The following UBR7 variants were observed in gnomAD, a reference collection of about 807,000 sequenced individuals.
UBR7 encodes the protein ubiquitin protein ligase E3 component n-recognin 7, also known as putative E3 ubiquitin-protein ligase UBR7.
A neutral mutation model predicts 57.0 loss-of-function variants in UBR7; 22 were observed. That is an observed-to-expected ratio of 0.39 (90% CI 0.28 to 0.55). The LOEUF is 0.55. UBR7 is among the 20% of genes least tolerant of loss of function. UBR7 has a pLI of 0.69. For missense variants in UBR7, 395 were observed against 513.2 expected, an observed-to-expected ratio of 0.77 and a Z score of 2.23; for synonymous variants, 167 against 179.8, an observed-to-expected ratio of 0.93 and a Z score of 0.57.
Position 93,228,031 on chromosome 14 carries a change from C to A in UBR7, c.*996C>A. ...CTTGAATCTGCTAAAGAAAACAGAT[C>A]CTGACTTAGCTTACTTGAAATAAGC... On this transcript the variant is annotated 3_prime_UTR_variant, in exon 11 of 11. Transcript: ENST00000013070. The A allele has an allele frequency of 1.4e-6, 1 of 697,472 alleles. No individual in the cohort carries two copies. Among genetic ancestry groups the A allele is most frequent in the South Asian group, 1.5e-5 (1 of 66,626 alleles). 43.2% of individuals were successfully genotyped at this position (697,472 alleles called of 1,614,324 possible). A position where few individuals can be genotyped will look rare whatever the true frequency, so the allele number is the denominator to read the frequency against.
intron 8 of UBR7, 64 bp downstream of exon 8, chr14:93,219,425 A>G: frequency 1.3e-6 from 2 of 1,595,036 alleles, no homozygotes; most frequent in Non-Finnish European, 1.7e-6. Flanking sequence ...AAATAAGAAC[A>G]CCTGGGGAAA....
chr14:93,213,944 T>TA (rs1894541671), intron 4 of UBR7, among the ~76,000 whole-genome samples: 1 of 152,174 alleles, frequency 6.6e-6, no homozygotes, highest in Admixed American at 6.6e-5. Context: ...TTCTTTTTTT[T>TA]AAGACGGAGT....
intron 10 of UBR7, among the ~76,000 whole-genome samples, chr14:93,224,976 G>A (rs959303343): frequency 1.3e-5 from 2 of 152,122 alleles, no homozygotes; most frequent in Non-Finnish European, 2.9e-5. Flanking sequence ...AAAAAGTTAG[G>A]CATGTTCTTT....
At chr14:93,225,492 G>A (rs910892906) in intron 10 of UBR7, among the ~76,000 whole-genome samples, 4 of 151,516 alleles carry the variant, frequency 2.6e-5, no homozygotes, top group Admixed American at 6.6e-5. Context: ...AATTAGGCTG[G>A]CATGGTGACG....
intron 6 of UBR7, among the ~76,000 whole-genome samples, chr14:93,218,177 A>G (rs903762114): frequency 3.3e-5 from 5 of 152,052 alleles, no homozygotes; most frequent in African/African-American, 9.7e-5. Context: ...TGGGAGGCTG[A>G]GGCAGGCAGA....
At chr14:93,226,269 A>G (rs1027635032) in intron 10 of UBR7, among the ~76,000 whole-genome samples, 1 of 152,116 alleles carries the variant, frequency 6.6e-6, no homozygotes, top group Admixed American at 6.5e-5. Context: ...GAATTCATTC[A>G]CGTGCTCTAT....
In UBR7 at chr14:93,220,176, G is replaced by A. The variant is rs557981119; in HGVS notation, c.961-73G>A. The stretch of plus-strand genomic sequence containing the variant: ...CATTTTTAGTGATTCTCAGGAAATT[G>A]GCTTTCTGAGAATGATAAACAGTTC... On this transcript the variant is annotated intron_variant, in intron 8 of 10. Coordinates refer to ENST00000013070, the MANE Select transcript of UBR7 (RefSeq NM_175748.4). The A allele has an allele frequency of 5.0e-4, 748 of 1,484,992 alleles. 1 individual carries two copies. Among genetic ancestry groups the A allele is most frequent in the Non-Finnish European group, 6.6e-4 (728 of 1,097,146 alleles). 92.0% of individuals were successfully genotyped at this position (1,484,992 alleles called of 1,614,324 possible). A position where few individuals can be genotyped will look rare whatever the true frequency, so the allele number is the denominator to read the frequency against.
intron 1 of UBR7, among the ~76,000 whole-genome samples, chr14:93,209,111 C>T (rs946546726): frequency 6.6e-6 from 1 of 152,192 alleles, no homozygotes; most frequent in South Asian, 2.1e-4. Flanking sequence ...CCGTGCCCAG[C>T]CTACATATTC....
chr14:93,225,716 T>A (rs1894836110), intron 10 of UBR7, among the ~76,000 whole-genome samples: 1 of 152,234 alleles, frequency 6.6e-6, no homozygotes, highest in African/African-American at 2.4e-5. Flanking sequence ...TGAACCCAAG[T>A]ATTTATTCAC....
chr14:93,223,303 G>C (rs1380909183), intron 10 of UBR7, among the ~76,000 whole-genome samples: 2 of 149,576 alleles, frequency 1.3e-5, no homozygotes, highest in Admixed American at 6.8e-5. Context: ...GCTGAGGCAG[G>C]AGAAACGCTT....
At chr14:93,213,582 C>T (rs1050292652) in intron 4 of UBR7, among the ~76,000 whole-genome samples, 1 of 152,172 alleles carries the variant, frequency 6.6e-6, no homozygotes, top group African/African-American at 2.4e-5. Flanking sequence ...GCTGGGATTA[C>T]AGGCGTGAGC....
Position 93,220,238 on chromosome 14 carries a change from T to G in UBR7, c.961-11T>G. The G allele has an allele frequency of 1.2e-6, 2 of 1,600,418 alleles. No homozygotes were observed. The highest frequency in any genetic ancestry group is 1.3e-5 in the African/African-American group (1 of 74,198). On this transcript the variant is annotated splice_polypyrimidine_tract_variant and intron_variant, in intron 8 of 10. Coordinates refer to ENST00000013070, the MANE Select transcript of UBR7 (RefSeq NM_175748.4). Reference sequence around the variant, plus strand: ...CTCCTCTTTCTTTTTTTTTTTTTTTTTTCCCTAAAGAAAATGTATGGAGAT... The same window carrying G: ...CTCCTCTTTCTTTTTTTTTTTTTTTGTTCCCTAAAGAAAATGTATGGAGAT...
chr14:93,222,402 T>C (rs924685979), intron 10 of UBR7, 28 bp downstream of exon 10: 1 of 1,510,660 alleles, frequency 6.6e-7, no homozygotes, highest in African/African-American at 1.4e-5. Flanking sequence ...ATTCTAATCA[T>C]AGCCCTGTAA....
At position 93,210,639 on chromosome 14, in the gene UBR7, T is replaced by A; in HGVS notation, c.285-9T>A. On this transcript the variant is annotated splice_polypyrimidine_tract_variant and intron_variant, in intron 2 of 10. Transcript: ENST00000013070. ...GAAAAATAAAATTGTTATTTCCTCC[T>A]TTTTTCAGAAATTTTCGTTGTGATT... 1.3e-6 allele frequency: 2 copies of A among 1,596,198 alleles called. No individual in the cohort carries two copies. The highest frequency in any genetic ancestry group is 1.7e-6 in the Non-Finnish European group (2 of 1,169,234).
chr14:93,227,057 A>G lies in UBR7; in HGVS notation c.*22A>G. ...CTAGAGTGGAGTATGAAGCTTTCTCATTCAAGCCAATGAAAATGCGCTTCC... is the reference window on the plus strand; with the variant it reads ...CTAGAGTGGAGTATGAAGCTTTCTCGTTCAAGCCAATGAAAATGCGCTTCC... On this transcript the variant is annotated 3_prime_UTR_variant, in exon 11 of 11. Transcript: ENST00000013070. The G allele has an allele frequency of 6.4e-7, 1 of 1,561,934 alleles. No homozygotes were observed. Among genetic ancestry groups the G allele is most frequent in the Non-Finnish European group, 8.8e-7 (1 of 1,135,254 alleles).
At position 93,220,477 on chromosome 14, in the gene UBR7, A is replaced by G; in HGVS notation, c.1123+66A>G. ...CTATGTAAAAAAATATAAAGGGGGC[A>G]GTAAACACCTATATTTTTAATTTAA... On this transcript the variant is annotated intron_variant, in intron 9 of 10. Coordinates refer to ENST00000013070, the MANE Select transcript of UBR7 (RefSeq NM_175748.4). The G allele has an allele frequency of 7.0e-6, 11 of 1,562,040 alleles. No individual in the cohort carries two copies. In the South Asian group the frequency reaches 1.1e-4, roughly 16 times the overall value.
chr14:93,213,524 G>C (rs913937254), intron 4 of UBR7, among the ~76,000 whole-genome samples: 1 of 152,044 alleles, frequency 6.6e-6, no homozygotes, highest in African/African-American at 2.4e-5. Flanking sequence ...AGCCAGGATG[G>C]TCTCAATCTC....
chr14:93,227,791 G>A lies in UBR7; in HGVS notation c.*756G>A, dbSNP rs768250690. On this transcript the variant is annotated 3_prime_UTR_variant, in exon 11 of 11. Coordinates refer to ENST00000013070, the MANE Select transcript of UBR7 (RefSeq NM_175748.4). ...ATTTCAGTACTGTAGTGCTCACAGGGCTTCCTGGAGAACATTTGCCCGTAT... is the reference window on the plus strand; with the variant it reads ...ATTTCAGTACTGTAGTGCTCACAGGACTTCCTGGAGAACATTTGCCCGTAT... The A allele has an allele frequency of 2.9e-6, 2 of 700,760 alleles. No homozygotes were observed. Among genetic ancestry groups the A allele is most frequent in the South Asian group, 3.0e-5 (2 of 67,490 alleles). 43.4% of individuals were successfully genotyped at this position (700,760 alleles called of 1,614,324 possible). A position where few individuals can be genotyped will look rare whatever the true frequency, so the allele number is the denominator to read the frequency against.
chr14:93,224,039 G>T, intron 10 of UBR7: 4 of 976,656 alleles, frequency 4.1e-6, no homozygotes, highest in South Asian at 1.3e-5. Flanking sequence ...GTGATTAGGC[G>T]CAAAGATTCG....
Sources: allele counts gnomAD v4.1 joint callset (sites outside exome capture counted in the v4.1 genomes callset), GRCh38; gene constraint gnomAD v4.1.1; transcripts MANE v1.5; gene names NCBI Gene and HGNC (gene_info 2026-07-23, HGNC 2026-07-21).